The following PTPRT variants were observed in gnomAD, a reference collection of about 807,000 sequenced individuals.
The protein encoded by PTPRT is receptor-type tyrosine-protein phosphatase T.
In PTPRT, 56 loss-of-function variants were observed where a neutral mutation model predicts 176.8. The observed-to-expected ratio is 0.32, with a 90% CI of 0.26 to 0.40. PTPRT has a LOEUF of 0.40. PTPRT is among the 10% of genes least tolerant of loss of function. The probability of loss-of-function intolerance (pLI) is 1.00; values close to 1 mark genes in which losing one functional copy is unlikely to be tolerated. For synonymous variants in PTPRT, 783 were observed against 739.0 expected, an observed-to-expected ratio of 1.06 and a Z score of -0.96; for missense variants, 1,540 against 1,908.2, an observed-to-expected ratio of 0.81 and a Z score of 3.60.
chr20:42,974,473 GCACA>G (rs143734801), intron 1 of PTPRT, among the ~76,000 whole-genome samples: 1 of 149,818 alleles, frequency 6.7e-6, no homozygotes, highest in East Asian at 1.9e-4. Context: ...GTGCACGCGC[GCACA>G]CACACACACA....
At chr20:42,569,278 T>A (rs542141408) in intron 7 of PTPRT, among the ~76,000 whole-genome samples, 1 of 151,438 alleles carries the variant, frequency 6.6e-6, no homozygotes, top group African/African-American at 2.4e-5. Context: ...TACTTCACTA[T>A]GAAATTAGAT....
chr20:42,522,721 G>A (rs2072198637), intron 7 of PTPRT, among the ~76,000 whole-genome samples: 1 of 152,072 alleles, frequency 6.6e-6, no homozygotes, highest in Admixed American at 6.6e-5. Flanking sequence ...TTGGCCTCCC[G>A]AAGTGCTGGT....
At chr20:42,710,840 T>A (rs951602839) in intron 6 of PTPRT, among the ~76,000 whole-genome samples, 2 of 152,248 alleles carry the variant, frequency 1.3e-5, no homozygotes, top group African/African-American at 4.8e-5. Flanking sequence ...AGCAGCCACA[T>A]GGGCTGTGTC....
intron 1 of PTPRT, among the ~76,000 whole-genome samples, chr20:43,181,297 A>G (rs1207824955): frequency 6.6e-6 from 1 of 152,206 alleles, no homozygotes; most frequent in Non-Finnish European, 1.5e-5. Context: ...AGAAATAGTG[A>G]GACGATAAAG....
Position 42,417,307 on chromosome 20 carries a change from A to G in PTPRT, c.1560+30913T>C, listed in dbSNP as rs1012648698. On this transcript the variant is annotated intron_variant, in intron 9 of 30. Transcript: ENST00000373187. Reference sequence around the variant, plus strand: ...ATAACCCCGCACCTCAGCCCTTCCTATGACCTGGCTTTCTTGGATTTTACC... The same window carrying G: ...ATAACCCCGCACCTCAGCCCTTCCTGTGACCTGGCTTTCTTGGATTTTACC... Among the ~76,000 whole-genome samples the G allele has an allele frequency of 2.6e-5, 4 of 152,198 alleles. No homozygotes were observed. In the East Asian group the frequency reaches 7.8e-4, roughly 30 times the overall value.
intron 6 of PTPRT, among the ~76,000 whole-genome samples, chr20:42,693,680 G>A (rs6030415): frequency 7.2e-4 from 109 of 152,206 alleles, no homozygotes; most frequent in African/African-American, 2.6e-3. Flanking sequence ...CTTCAACATT[G>A]TGCCCTACTT....
intron 2 of PTPRT, among the ~76,000 whole-genome samples, chr20:42,883,216 T>C (rs1048842580): frequency 1.3e-5 from 2 of 152,132 alleles, no homozygotes; most frequent in African/African-American, 4.8e-5. Context: ...GGAGAATGGA[T>C]TAAAGTCCAA....
chr20:42,989,050 A>G (rs1012702620), intron 1 of PTPRT, among the ~76,000 whole-genome samples: 17 of 152,230 alleles, frequency 1.1e-4, no homozygotes, highest in Non-Finnish European at 2.1e-4. Context: ...AGCACTCAAT[A>G]ACCATTGTGT....
At chr20:42,652,640 G>A (rs1472471166) in intron 7 of PTPRT, among the ~76,000 whole-genome samples, 1 of 152,146 alleles carries the variant, frequency 6.6e-6, no homozygotes, top group Non-Finnish European at 1.5e-5. Flanking sequence ...TTGCTGCTGG[G>A]AGGCTACTGA....
intron 1 of PTPRT, among the ~76,000 whole-genome samples, chr20:42,932,236 G>C (rs1363711090): frequency 6.6e-6 from 1 of 152,212 alleles, no homozygotes; most frequent in East Asian, 1.9e-4. Flanking sequence ...CCAAGCCTAG[G>C]GGAAATCTGG....
intron 12 of PTPRT, among the ~76,000 whole-genome samples, chr20:42,307,720 C>T (rs918293396): frequency 2.0e-5 from 3 of 152,080 alleles, no homozygotes; most frequent in African/African-American, 7.2e-5. Flanking sequence ...CTGTCAGAGA[C>T]CTTTGAACCA....
chr20:42,626,374 T>C (rs1331863366), intron 7 of PTPRT, among the ~76,000 whole-genome samples: 1 of 152,146 alleles, frequency 6.6e-6, no homozygotes, highest in African/African-American at 2.4e-5. Context: ...CACTTACCAC[T>C]CTACAGCTGA....
chr20:42,212,791 C>CA (rs553807103), intron 15 of PTPRT, among the ~76,000 whole-genome samples: 83 of 152,126 alleles, frequency 5.5e-4, no homozygotes, highest in African/African-American at 1.9e-3. Flanking sequence ...ATTTTAAATA[C>CA]AAAAAAATCC....
At chr20:42,108,686 T>TAATA (rs1394854880) in intron 23 of PTPRT, among the ~76,000 whole-genome samples, 1 of 152,144 alleles carries the variant, frequency 6.6e-6, no homozygotes. Flanking sequence ...CCTGAAGGAT[T>TAATA]AATAAATAAT....
At chr20:42,507,832 A>G (rs1330920809) in intron 7 of PTPRT, among the ~76,000 whole-genome samples, 2 of 151,162 alleles carry the variant, frequency 1.3e-5, no homozygotes, top group African/African-American at 4.9e-5. Flanking sequence ...GGGATCAGGT[A>G]GAATTTCATT....
intron 27 of PTPRT, among the ~76,000 whole-genome samples, chr20:42,091,446 G>C (rs1984608948): frequency 6.6e-6 from 1 of 152,178 alleles, no homozygotes; most frequent in Non-Finnish European, 1.5e-5. Flanking sequence ...GCATATTTCA[G>C]TGCACCTTAG....
rs185562600 is a variant in PTPRT at position 42,395,173 on chromosome 20, A to G, written c.1561-42888T>C. Among the ~76,000 whole-genome samples, 280 of 152,158 alleles carry G rather than the reference A, an allele frequency of 1.8e-3. 1 individual carries two copies. Among genetic ancestry groups the G allele is most frequent in the Non-Finnish European group, 2.9e-3 (199 of 67,996 alleles). Reference sequence around the variant, plus strand: ...AGACTCCCACACTGTTTCCTACTTTATGGAGTCTCTTCAAACCTCCAACAC... The same window carrying G: ...AGACTCCCACACTGTTTCCTACTTTGTGGAGTCTCTTCAAACCTCCAACAC... On this transcript the variant is annotated intron_variant, in intron 9 of 30. Coordinates refer to ENST00000373187, the MANE Select transcript of PTPRT (RefSeq NM_007050.6).
intron 7 of PTPRT, among the ~76,000 whole-genome samples, chr20:42,654,839 A>T (rs1358129797): frequency 4.6e-5 from 7 of 152,356 alleles, no homozygotes; most frequent in Non-Finnish European, 1.0e-4. Context: ...TCTCCTTGGA[A>T]TATCCTGTGG....
chr20:42,349,851 T>C (rs1308310474), intron 11 of PTPRT, among the ~76,000 whole-genome samples: 1 of 152,222 alleles, frequency 6.6e-6, no homozygotes, highest in Non-Finnish European at 1.5e-5. Flanking sequence ...ACGCTCCTGA[T>C]ATCATGAACT....
Sources: gnomAD v4.1 joint callset for allele counts (sites outside exome capture counted in the v4.1 genomes callset) on GRCh38, gnomAD v4.1.1 for gene constraint, MANE v1.5 for transcripts, NCBI Gene and HGNC (gene_info 2026-07-23, HGNC 2026-07-21) for gene names.